Variants in MAGI3 observed in about 807,000 individuals in gnomAD.
MAGI3 encodes the protein membrane associated guanylate kinase, WW and PDZ domain containing 3, also known as membrane-associated guanylate kinase, WW and PDZ domain-containing protein 3.
A neutral mutation model predicts 121.8 loss-of-function variants in MAGI3; 43 were observed. That is an observed-to-expected ratio of 0.35 (90% CI 0.28 to 0.46). The LOEUF (loss-of-function observed/expected upper bound fraction) is 0.46, where lower values mean the gene tolerates loss of function less well. Ranked by LOEUF, MAGI3 falls within the 20% of genes least tolerant of loss-of-function variation. The probability of loss-of-function intolerance (pLI) is 1.00; values close to 1 mark genes in which losing one functional copy is unlikely to be tolerated. For synonymous variants in MAGI3, 553 were observed against 639.3 expected (o/e 0.86, Z 2.04); for missense variants, 1,547 against 1,797.3 (o/e 0.86, Z 2.52).
intron 1 of MAGI3, among the ~76,000 whole-genome samples, chr1:113,528,384 A>G (rs1385723682): frequency 6.6e-6 from 1 of 150,572 alleles, no homozygotes; most frequent in Non-Finnish European, 1.5e-5. Flanking sequence ...TCATGGTATC[A>G]TTTGTCTTGT....
At position 113,683,508 on chromosome 1, in the gene MAGI3, C is replaced by T. The variant is rs774336547; in HGVS notation, c.3940C>T (p.Arg1314Ter). Residue 1314 changes from arginine to a stop codon, truncating the protein, a stop_gained, in exon 21 of 21, where the codon CGA becomes TGA. Coordinates refer to ENST00000307546, the MANE Select transcript of MAGI3 (RefSeq NM_001142782.2). LOFTEE classifies it low-confidence loss of function (END_TRUNC). The stretch of plus-strand genomic sequence containing the variant: ...GGCCAAATTATTAGAGGGTAAGAGT[C>T]GAAGAATAGCAGGCTATACGGGCAG... ...AEAKLLEGKSRRIAGYTGSNA... is the reference protein window; with the variant it reads ...AEAKLLEGKS 11 of 1,613,772 alleles carry T rather than the reference C, an allele frequency of 6.8e-6. No individual in the cohort carries two copies. The highest frequency in any genetic ancestry group is 1.7e-5 in the Admixed American group (1 of 59,998).
chr1:113,565,174 A>G (rs963990177), intron 2 of MAGI3, among the ~76,000 whole-genome samples: 5 of 152,118 alleles, frequency 3.3e-5, no homozygotes, highest in African/African-American at 1.2e-4. Context: ...TAAAGCACAA[A>G]GTATCAATTG....
chr1:113,544,420 C>G (rs1659436707), intron 1 of MAGI3, among the ~76,000 whole-genome samples: 1 of 152,194 alleles, frequency 6.6e-6, no homozygotes, highest in Admixed American at 6.5e-5. Flanking sequence ...TTATGCCCAT[C>G]CTTTGCCTTT....
At chr1:113,505,525 A>AATAAATAAATAAATAC (rs1657279615) in intron 1 of MAGI3, among the ~76,000 whole-genome samples, 4 of 146,494 alleles carry the variant, frequency 2.7e-5, no homozygotes, top group Middle Eastern at 3.3e-3. Flanking sequence ...TAAATAAATA[A>AATAAATAAATAAATAC]ATAAATAAAT....
intron 19 of MAGI3, among the ~76,000 whole-genome samples, chr1:113,675,764 C>T (rs1164597980): frequency 2.0e-5 from 3 of 152,128 alleles, no homozygotes; most frequent in Admixed American, 6.5e-5. Flanking sequence ...AAAGAGGGAC[C>T]GATGGCCTTA....
chr1:113,483,526 C>A (rs1249129930), intron 1 of MAGI3, among the ~76,000 whole-genome samples: 1 of 152,144 alleles, frequency 6.6e-6, no homozygotes, highest in Non-Finnish European at 1.5e-5. Context: ...CATGCTGGTA[C>A]TGATTTTAAA....
intron 1 of MAGI3, among the ~76,000 whole-genome samples, chr1:113,536,659 C>G (rs1297346317): frequency 6.6e-6 from 1 of 151,344 alleles, no homozygotes; most frequent in African/African-American, 2.4e-5. Flanking sequence ...GTCAAATTAT[C>G]TCTTGAAGCA....
At chr1:113,531,399 C>T (rs986580134) in intron 1 of MAGI3, among the ~76,000 whole-genome samples, 1 of 151,814 alleles carries the variant, frequency 6.6e-6, no homozygotes, top group Non-Finnish European at 1.5e-5. Context: ...ATGTAGAATG[C>T]ACCCCCTTGT....
intron 1 of MAGI3, among the ~76,000 whole-genome samples, chr1:113,515,014 T>A (rs2101618188): frequency 6.6e-6 from 1 of 152,242 alleles, no homozygotes; most frequent in East Asian, 1.9e-4. Flanking sequence ...TTGTGCATCT[T>A]TGTAAGTAAA....
intron 11 of MAGI3, among the ~76,000 whole-genome samples, chr1:113,644,955 C>G (rs954878168): frequency 6.6e-6 from 1 of 151,754 alleles, no homozygotes; most frequent in South Asian, 2.1e-4. Flanking sequence ...TCTTTCTAGC[C>G]CACCAAGTAG....
chr1:113,643,777 G>A lies in MAGI3; in HGVS notation c.1998+3G>A, dbSNP rs926508428. ...CACCAACCAAAACTGCCAAAATGGTGAGTATACACTGGTCCTCAAATCTTT... is the reference window on the plus strand; with the variant it reads ...CACCAACCAAAACTGCCAAAATGGTAAGTATACACTGGTCCTCAAATCTTT... On this transcript the variant is annotated splice_donor_region_variant and intron_variant, in intron 11 of 20. Coordinates refer to ENST00000307546, the MANE Select transcript of MAGI3 (RefSeq NM_001142782.2). 4 of 1,613,376 alleles carry A rather than the reference G, an allele frequency of 2.5e-6. No homozygotes were observed. The African/African-American group carries it at 5.3e-5, about 22-fold the overall frequency.
At chr1:113,586,826 C>G (rs1172693223) in intron 4 of MAGI3, among the ~76,000 whole-genome samples, 1 of 152,148 alleles carries the variant, frequency 6.6e-6, no homozygotes, top group Non-Finnish European at 1.5e-5. Flanking sequence ...AATACAGAGC[C>G]TTTAATTGAT....
intron 1 of MAGI3, among the ~76,000 whole-genome samples, chr1:113,537,179 G>A (rs1659046419): frequency 6.6e-6 from 1 of 152,078 alleles, no homozygotes; most frequent in Non-Finnish European, 1.5e-5. Flanking sequence ...GGTAGTAGTG[G>A]GTAAGGAGGG....
chr1:113,648,304 A>T (rs1652964610), intron 12 of MAGI3, among the ~76,000 whole-genome samples: 1 of 152,110 alleles, frequency 6.6e-6, no homozygotes, highest in South Asian at 2.1e-4. Context: ...GTTCCCTGAC[A>T]TGTTTATTTC....
intron 1 of MAGI3, among the ~76,000 whole-genome samples, chr1:113,471,251 A>G (rs1448331893): frequency 1.3e-5 from 2 of 152,264 alleles, no homozygotes; most frequent in Non-Finnish European, 2.9e-5. Flanking sequence ...AACAAATTCA[A>G]GAAGATTGAA....
At chr1:113,618,377 T>C (rs1340760440) in intron 7 of MAGI3, among the ~76,000 whole-genome samples, 1 of 152,104 alleles carries the variant, frequency 6.6e-6, no homozygotes, top group Non-Finnish European at 1.5e-5. Context: ...GCAAAGTAAA[T>C]GTTCAACTTG....
intron 18 of MAGI3, among the ~76,000 whole-genome samples, chr1:113,673,080 GT>G (rs1647661416): frequency 6.6e-6 from 1 of 152,198 alleles, no homozygotes; most frequent in South Asian, 2.1e-4. Context: ...CCAAAATTCT[GT>G]TCTCTGATTG....
chr1:113,589,192 A>G (rs1395171665), intron 4 of MAGI3, among the ~76,000 whole-genome samples: 3 of 152,160 alleles, frequency 2.0e-5, no homozygotes, highest in Admixed American at 2.0e-4. Context: ...GAAATAAGAC[A>G]CAAGGTCATC....
intron 19 of MAGI3, among the ~76,000 whole-genome samples, chr1:113,679,789 T>C (rs1359827498): frequency 2.0e-5 from 3 of 151,082 alleles, no homozygotes; most frequent in Non-Finnish European, 4.4e-5. Flanking sequence ...CATTGCAACC[T>C]CCACCTCCCA....
Sources: gnomAD v4.1 joint callset for allele counts (sites outside exome capture counted in the v4.1 genomes callset) on GRCh38, gnomAD v4.1.1 for gene constraint, MANE v1.5 for transcripts, NCBI Gene and HGNC (gene_info 2026-07-23, HGNC 2026-07-21) for gene names.